AKR7A3: variants seen among roughly 807,000 people sequenced by gnomAD.
AKR7A3 encodes the protein AFB1 aldehyde reductase 2.
A neutral mutation model predicts 32.5 loss-of-function variants in AKR7A3; 37 were observed. That is an observed-to-expected ratio of 1.14 (90% confidence interval 0.88 to 1.50). The LOEUF (loss-of-function observed/expected upper bound fraction) is 1.50, where lower values mean the gene tolerates loss of function less well. Among genes scored for constraint, AKR7A3 ranks in the 40% most tolerant of loss-of-function variants. The probability of loss-of-function intolerance (pLI) is 0.00; values close to 1 mark genes in which losing one functional copy is unlikely to be tolerated. For missense variants in AKR7A3, 412 were observed against 453.2 expected, an observed-to-expected ratio of 0.91 and a Z score of 0.83; for synonymous variants, 177 against 188.4, an observed-to-expected ratio of 0.94 and a Z score of 0.50.
chr1:19,276,996 C>T, the AKR7A3 span, among the ~76,000 whole-genome samples: 11 of 151,744 alleles, frequency 7.2e-5, no homozygotes, highest in African/African-American at 2.7e-4. Flanking sequence ...TGCCTATAAT[C>T]CCAGTTACTC....
the AKR7A3 span, among the ~76,000 whole-genome samples, chr1:19,274,899 C>CAAAACAAAAAAAAAAAAAAAAA: frequency 2.3e-5 from 1 of 44,314 alleles, no homozygotes; most frequent in Non-Finnish European, 4.0e-5. Flanking sequence ...TCTCTAAATA[C>CAAAACAAAAAAAAAAAAAAAAA]AAAAAAAAAA....
At chr1:19,287,074 G>A (rs2151982682) in intron 1 of AKR7A3, among the ~76,000 whole-genome samples, 2 of 151,982 alleles carry the variant, frequency 1.3e-5, no homozygotes, top group South Asian at 2.1e-4. Context: ...TGGGAGGCCA[G>A]AGCAGGAGGA....
chr1:19,278,825 AC>A (rs2093714811), downstream of AKR7A3, among the ~76,000 whole-genome samples: 1 of 151,806 alleles, frequency 6.6e-6, no homozygotes, highest in Admixed American at 6.6e-5. Flanking sequence ...TCTCTCTCAA[AC>A]AGATTTGCCT....
Position 19,285,891 on chromosome 1 carries a change from G to A in AKR7A3, c.504C>T (p.Tyr168=). 2.5e-6 allele frequency: 4 copies of A among 1,613,688 alleles called. No homozygotes were observed. Among genetic ancestry groups the A allele is most frequent in the Non-Finnish European group, 3.4e-6 (4 of 1,179,870 alleles). Reference sequence around the variant, plus strand: ...CCTCTGCAGCCCTGGCTCTCACCTGGTACACAGTGGGCAGGATCCAGCCGT... The same window carrying A: ...CCTCTGCAGCCCTGGCTCTCACCTGATACACAGTGGGCAGGATCCAGCCGT... ...KSNGWILPTV[Y]QGMYNAITRQ... The change falls in exon 3 of 7, where the codon TAC becomes TAT. Residue 168 remains tyrosine (Y), a synonymous_variant. Transcript: ENST00000361640.
At chr1:19,274,533 G>C in the AKR7A3 span, among the ~76,000 whole-genome samples, 2 of 151,728 alleles carry the variant, frequency 1.3e-5, no homozygotes, top group African/African-American at 2.4e-5. Flanking sequence ...CCTGCCTGCC[G>C]TGTGGTCCTG....
downstream of AKR7A3, among the ~76,000 whole-genome samples, chr1:19,278,460 C>T: frequency 6.6e-6 from 1 of 151,638 alleles, no homozygotes; most frequent in East Asian, 1.9e-4. Flanking sequence ...ACTTGGGAGG[C>T]TGAGGCAAGA....
chr1:19,282,459 C>T (rs2093720402), downstream of AKR7A3: 17 of 517,802 alleles, frequency 3.3e-5, no homozygotes, highest in South Asian at 3.2e-4. Context: ...GCCGGCACCA[C>T]ACCCCCTTGT....
the AKR7A3 span, among the ~76,000 whole-genome samples, chr1:19,274,532 C>T: frequency 4.0e-5 from 6 of 151,736 alleles, no homozygotes; most frequent in African/African-American, 2.4e-5. Flanking sequence ...GCCTGCCTGC[C>T]GTGTGGTCCT....
intron 5 of AKR7A3, 91 bp downstream of exon 5, chr1:19,284,595 G>T: frequency 7.4e-7 from 1 of 1,353,186 alleles, no homozygotes; most frequent in South Asian, 1.2e-5. Flanking sequence ...GCAGCAGCGA[G>T]GAAAGGCCTT....
the AKR7A3 span, among the ~76,000 whole-genome samples, chr1:19,275,767 T>G: frequency 1.3e-5 from 2 of 151,778 alleles, no homozygotes; most frequent in African/African-American, 4.9e-5. Flanking sequence ...ATCATACCAC[T>G]ACACTCCAAC....
At chr1:19,275,176 C>T in the AKR7A3 span, among the ~76,000 whole-genome samples, 4,272 of 150,660 alleles carry the variant, frequency 0.028, 77 homozygotes, top group South Asian at 0.053. Flanking sequence ...TTTGGGAGGC[C>T]GAGGGGGGTG....
Position 19,282,652 on chromosome 1 carries a change from A to G in AKR7A3, c.*79T>C. ...TACTTCCATCCCTAAGAATTTACTG[A>G]GGCAGTTCTAAATTAAAGAAAATGT... On this transcript the variant is annotated 3_prime_UTR_variant, in exon 7 of 7. Transcript: ENST00000361640. The G allele has an allele frequency of 1.2e-6, 2 of 1,603,650 alleles. No individual in the cohort carries two copies. The highest frequency in any genetic ancestry group is 1.4e-5 in the African/African-American group (1 of 74,070).
the AKR7A3 span, among the ~76,000 whole-genome samples, chr1:19,274,910 A>AAAAAAAAAAAAAAAAAAAAAAC: frequency 6.8e-6 from 1 of 148,070 alleles, no homozygotes; most frequent in Admixed American, 6.7e-5. Flanking sequence ...AAAAAAAAAA[A>AAAAAAAAAAAAAAAAAAAAAAC]AAAAAGACCA....
At chr1:19,274,579 C>T in the AKR7A3 span, among the ~76,000 whole-genome samples, 2 of 151,654 alleles carry the variant, frequency 1.3e-5, 1 homozygote, top group South Asian at 4.1e-4. Flanking sequence ...AAACAGCGTC[C>T]CCGTGGAGTG....
chr1:19,285,181 TC>T, intron 3 of AKR7A3, 67 bp from the exon 4 acceptor site: 2 of 1,445,334 alleles, frequency 1.4e-6, no homozygotes, highest in Non-Finnish European at 1.9e-6. Context: ...AAATTACCCT[TC>T]CAGAACCCTT....
chr1:19,279,843 C>A (rs75636610), downstream of AKR7A3, among the ~76,000 whole-genome samples: 1 of 151,788 alleles, frequency 6.6e-6, no homozygotes, highest in African/African-American at 2.4e-5. Context: ...ACCCGCAGGC[C>A]GCATGCAGCC....
chr1:19,279,171 A>C (rs1260612880), downstream of AKR7A3, among the ~76,000 whole-genome samples: 1 of 151,916 alleles, frequency 6.6e-6, no homozygotes, highest in African/African-American at 2.4e-5. Flanking sequence ...TTCTATGTCC[A>C]GACTGGTCTG....
chr1:19,281,771 C>T (rs1268130238), downstream of AKR7A3, among the ~76,000 whole-genome samples: 2 of 152,068 alleles, frequency 1.3e-5, no homozygotes, highest in African/African-American at 4.8e-5. Flanking sequence ...AAGCCCACCC[C>T]TTGCACCAGT....
downstream of AKR7A3, among the ~76,000 whole-genome samples, chr1:19,279,771 T>G (rs1344902979): frequency 2.0e-5 from 3 of 152,050 alleles, no homozygotes; most frequent in Admixed American, 2.0e-4. Context: ...AATTGCATTA[T>G]TGATATTGTT....
Sources: gnomAD v4.1 joint callset for allele counts (sites outside exome capture counted in the v4.1 genomes callset) on GRCh38, gnomAD v4.1.1 for gene constraint, MANE v1.5 for transcripts, NCBI Gene and HGNC (gene_info 2026-07-23, HGNC 2026-07-21) for gene names.